SNTB2: variants seen among roughly 807,000 people sequenced by gnomAD.
SNTB2 encodes the protein beta-2-syntrophin.
A neutral mutation model predicts 46.2 loss-of-function variants in SNTB2; 34 were observed. That is an observed-to-expected ratio of 0.74 (90% confidence interval 0.56 to 0.98). The LOEUF (loss-of-function observed/expected upper bound fraction) is 0.98. Among genes scored for constraint, SNTB2 ranks in the 50% least tolerant of loss-of-function variants. The probability of loss-of-function intolerance (pLI) is 0.00; values close to 1 mark genes in which losing one functional copy is unlikely to be tolerated. For missense variants in SNTB2, 603 were observed against 731.4 expected (o/e 0.82, Z 2.02); for synonymous variants, 290 against 312.6 (o/e 0.93, Z 0.76).
chr16:69,271,143 CACATATATTATTCTTCCTTT>C, intron 4 of SNTB2, among the ~76,000 whole-genome samples: 1 of 152,110 alleles, frequency 6.6e-6, no homozygotes, highest in Non-Finnish European at 1.5e-5. Flanking sequence ...TTTAACTTGC[CACATATATTATTCTTCCTTT>C]ACATATATTA....
intron 1 of SNTB2, 112 bp from the exon 2 acceptor site, chr16:69,245,490 C>T (rs1028519326): frequency 1.8e-6 from 2 of 1,093,236 alleles, no homozygotes; most frequent in Non-Finnish European, 2.7e-6. Context: ...CCACCGCGCC[C>T]AGCTCTTTCC....
chr16:69,220,685 A>T lies in SNTB2; in HGVS notation c.581-24917A>T, dbSNP rs924793327. On this transcript the variant is annotated intron_variant, in intron 1 of 6. Transcript: ENST00000336278. ...TGGGACTAAAGATGCATGCCACCAC[A>T]TGCTTGGCTAATTAAAAAAAATTTT... is the stretch of plus-strand genomic sequence containing the variant. Among the ~76,000 whole-genome samples, 9 of 151,954 alleles carry T rather than the reference A, an allele frequency of 5.9e-5. No homozygotes were observed. The South Asian group carries it at 1.9e-3, about 31-fold the overall frequency.
In SNTB2 at chr16:69,231,450, A is replaced by G. The variant is rs188361368; in HGVS notation, c.581-14152A>G. Among the ~76,000 whole-genome samples, 13 of 152,028 alleles carry G rather than the reference A, an allele frequency of 8.6e-5. No individual in the cohort carries two copies. In the East Asian group the frequency reaches 2.5e-3, roughly 30 times the overall value. On this transcript the variant is annotated intron_variant, in intron 1 of 6. Coordinates refer to ENST00000336278, the MANE Select transcript of SNTB2 (RefSeq NM_006750.4). ...CTAAAACATACAAAATTAGCTGGGC[A>G]TGGTGGCGCATGCCTGTAATCCCAG...
chr16:69,279,515 CTTTTTTTTTT>C (rs57637291), intron 4 of SNTB2, among the ~76,000 whole-genome samples: 13 of 71,734 alleles, frequency 1.8e-4, no homozygotes, highest in Non-Finnish European at 2.1e-4. Context: ...GTCCTTTGCC[CTTTTTTTTTT>C]TTTTTTTTTT....
intron 1 of SNTB2, among the ~76,000 whole-genome samples, chr16:69,242,795 G>A (rs1964630879): frequency 6.6e-6 from 1 of 152,188 alleles, no homozygotes; most frequent in African/African-American, 2.4e-5. Flanking sequence ...GCCAAGGCGG[G>A]TGGATCACGA....
intron 2 of SNTB2, among the ~76,000 whole-genome samples, chr16:69,249,263 C>A (rs1400991962): frequency 1.3e-5 from 2 of 152,154 alleles, no homozygotes; most frequent in East Asian, 3.9e-4. Context: ...TAGATTCCAG[C>A]AATCTACTCG....
intron 3 of SNTB2, among the ~76,000 whole-genome samples, chr16:69,262,355 G>A (rs536216999): frequency 2.6e-4 from 39 of 152,120 alleles, no homozygotes; most frequent in African/African-American, 8.4e-4. Context: ...AGCCAGGCTG[G>A]AGTGCGGTGG....
Position 69,239,177 on chromosome 16 carries a change from T to C in SNTB2, c.581-6425T>C, listed in dbSNP as rs2310812. On this transcript the variant is annotated intron_variant, in intron 1 of 6. Coordinates refer to ENST00000336278, the MANE Select transcript of SNTB2 (RefSeq NM_006750.4). Reference sequence around the variant, plus strand: ...CAACTCCCCCATCTCCTAAAGTCTTTGTTCAAACATCTTATTAATGGCTTA... The same window carrying C: ...CAACTCCCCCATCTCCTAAAGTCTTCGTTCAAACATCTTATTAATGGCTTA... Among the ~76,000 whole-genome samples the C allele has an allele frequency of 2.6e-5, 4 of 152,300 alleles. No homozygotes were observed. The South Asian group carries it at 6.2e-4, about 24-fold the overall frequency.
chr16:69,264,169 T>C (rs1000566671), intron 3 of SNTB2, among the ~76,000 whole-genome samples: 8 of 152,138 alleles, frequency 5.3e-5, no homozygotes, highest in African/African-American at 1.7e-4. Context: ...GCTACTATCT[T>C]GTCTCTGCAC....
chr16:69,233,446 G>C (rs991387804), intron 1 of SNTB2, among the ~76,000 whole-genome samples: 1 of 152,064 alleles, frequency 6.6e-6, no homozygotes, highest in Non-Finnish European at 1.5e-5. Context: ...AAGATTGGGT[G>C]GGTATATATA....
At chr16:69,278,929 TGTGTTAA>T (rs1372749957) in intron 4 of SNTB2, among the ~76,000 whole-genome samples, 1 of 149,516 alleles carries the variant, frequency 6.7e-6, no homozygotes, top group Non-Finnish European at 1.5e-5. Flanking sequence ...TGTGTGTGTG[TGTGTTAA>T]TAAACTCATA....
intron 2 of SNTB2, among the ~76,000 whole-genome samples, chr16:69,259,161 G>A (rs187086329): frequency 3.3e-5 from 5 of 150,452 alleles, no homozygotes; most frequent in Admixed American, 1.3e-4. Flanking sequence ...ACACCGAAAC[G>A]ACAGATCCAG....
chr16:69,224,881 T>C (rs1214198774), intron 1 of SNTB2, among the ~76,000 whole-genome samples: 2 of 152,242 alleles, frequency 1.3e-5, no homozygotes, highest in Non-Finnish European at 1.5e-5. Context: ...ATAAAACAAA[T>C]TATCAGCAGA....
At chr16:69,291,833 G>T (rs1215638247) in intron 5 of SNTB2, among the ~76,000 whole-genome samples, 1 of 152,164 alleles carries the variant, frequency 6.6e-6, no homozygotes, top group Non-Finnish European at 1.5e-5. Context: ...CAGCTACTCA[G>T]GTGGCTGAAG....
chr16:69,197,874 T>C (rs1268701811), intron 1 of SNTB2, among the ~76,000 whole-genome samples: 1 of 151,978 alleles, frequency 6.6e-6, no homozygotes, highest in African/African-American at 2.4e-5. Context: ...TTGAGTACTA[T>C]GGATTCTGTA....
intron 1 of SNTB2, among the ~76,000 whole-genome samples, chr16:69,206,332 C>T (rs565148531): frequency 1.3e-5 from 2 of 151,996 alleles, no homozygotes; most frequent in Admixed American, 6.6e-5. Context: ...GTTTAGCGAT[C>T]ATTATTACTC....
At position 69,260,023 on chromosome 16, in the gene SNTB2, CTT is replaced by C. The variant is rs755162772; in HGVS notation, c.795-16_795-15del. On this transcript the variant is annotated intron_variant, in intron 2 of 6. Transcript: ENST00000336278. ...GTTTGGTGACTTCTGTCCTAGCTCA[CTT>C]TTTTTTTTTTCTTTTTCCACACAGA... The C allele has an allele frequency of 1.0e-4, 119 of 1,194,424 alleles. No homozygotes were observed. The highest frequency in any genetic ancestry group is 1.4e-4 in the African/African-American group (9 of 64,706). The allele number at this position is 1,194,424 out of a possible 1,614,324, so 74.0% of individuals were successfully genotyped here. A position where few individuals can be genotyped will look rare whatever the true frequency, so the allele number is the denominator to read the frequency against.
At chr16:69,226,202 G>A (rs965378188) in intron 1 of SNTB2, among the ~76,000 whole-genome samples, 1 of 152,070 alleles carries the variant, frequency 6.6e-6, no homozygotes, top group African/African-American at 2.4e-5. Context: ...CTCCCAAGTA[G>A]CTGGGAATAC....
chr16:69,235,100 G>A (rs1443436011), intron 1 of SNTB2, among the ~76,000 whole-genome samples: 5 of 151,200 alleles, frequency 3.3e-5, no homozygotes, highest in African/African-American at 9.7e-5. Context: ...AGCCTCTGTC[G>A]CCTGGTTTCA....
Sources: allele counts gnomAD v4.1 joint callset (sites outside exome capture counted in the v4.1 genomes callset), GRCh38; gene constraint gnomAD v4.1.1; transcripts MANE v1.5; gene names NCBI Gene and HGNC (gene_info 2026-07-23, HGNC 2026-07-21).